Variants in SLC14A2 observed in about 807,000 individuals in gnomAD.
SLC14A2 encodes the protein urea transporter 2.
SLC14A2 carries 91 observed loss-of-function variants against 104.6 expected under a neutral mutation model. That is an observed-to-expected ratio of 0.87 (90% CI 0.73 to 1.04). SLC14A2 has a LOEUF of 1.04. Ranked by LOEUF, SLC14A2 falls within the 50% of genes least tolerant of loss-of-function variation. SLC14A2 has a pLI of 0.00. For missense variants in SLC14A2, 1,189 were observed against 1,156.0 expected (o/e 1.03, Z -0.41); for synonymous variants, 476 against 466.4 (o/e 1.02, Z -0.27).
intron 1 of SLC14A2, among the ~76,000 whole-genome samples, chr18:45,432,789 G>A (rs961762808): frequency 1.8e-4 from 27 of 152,112 alleles, no homozygotes; most frequent in Admixed American, 5.9e-4. Flanking sequence ...GGATTTGATG[G>A]CCACATAGAC....
intron 1 of SLC14A2, among the ~76,000 whole-genome samples, chr18:45,472,624 C>T (rs144332657): frequency 0.19 from 29,446 of 152,082 alleles, 3,370 homozygotes; most frequent in Non-Finnish European, 0.26. Flanking sequence ...CTCTAATGAC[C>T]GGTGATGATG....
At chr18:45,231,772 T>C (rs1599593857) in intron 1 of SLC14A2, among the ~76,000 whole-genome samples, 1 of 152,068 alleles carries the variant, frequency 6.6e-6, no homozygotes, top group East Asian at 1.9e-4. Flanking sequence ...TGCTATGGGG[T>C]GCGTATGAGG....
At chr18:45,246,429 C>T (rs570204505) in intron 1 of SLC14A2, among the ~76,000 whole-genome samples, 2 of 152,222 alleles carry the variant, frequency 1.3e-5, no homozygotes, top group South Asian at 4.1e-4. Context: ...AAAAAACTTA[C>T]AATATTAAAT....
At chr18:45,424,640 T>C (rs574456727) in intron 1 of SLC14A2, among the ~76,000 whole-genome samples, 22 of 152,348 alleles carry the variant, frequency 1.4e-4, no homozygotes, top group Admixed American at 2.0e-4. Flanking sequence ...ATCATCTCCA[T>C]TGACTTTCAA....
intron 1 of SLC14A2, among the ~76,000 whole-genome samples, chr18:45,428,667 A>G (rs765446395): frequency 2.5e-4 from 38 of 152,358 alleles, no homozygotes; most frequent in Non-Finnish European, 2.5e-4. Flanking sequence ...TCAAAGTGAC[A>G]TGTCATCTGG....
intron 2 of SLC14A2, among the ~76,000 whole-genome samples, chr18:45,487,386 C>T (rs919608544): frequency 6.6e-6 from 1 of 152,194 alleles, no homozygotes; most frequent in Admixed American, 6.5e-5. Flanking sequence ...ATCTTGAGTT[C>T]AATGACTTTT....
chr18:45,331,276 A>G (rs1282776664), intron 1 of SLC14A2, among the ~76,000 whole-genome samples: 1 of 152,222 alleles, frequency 6.6e-6, no homozygotes, highest in Non-Finnish European at 1.5e-5. Context: ...TACAAATACT[A>G]AATTATTTTA....
chr18:45,235,835 G>A lies in SLC14A2; in HGVS notation c.-125+22644G>A, dbSNP rs1340514525. Among the ~76,000 whole-genome samples, 26 of 97,332 alleles carry A rather than the reference G, an allele frequency of 2.7e-4. 1 individual carries two copies. Among genetic ancestry groups the A allele is most frequent in the African/African-American group, 1.0e-3 (22 of 21,924 alleles). 63.9% of individuals were successfully genotyped at this position (97,332 alleles called of 152,430 possible). On this transcript the variant is annotated intron_variant, in intron 1 of 20. Transcript: ENST00000586448. ...TGTGTATATATATATATATATACGT[G>A]TATATATATATGTATATATACATAT...
intron 2 of SLC14A2, among the ~76,000 whole-genome samples, chr18:45,600,170 C>A (rs2044768845): frequency 6.6e-6 from 1 of 152,180 alleles, no homozygotes; most frequent in African/African-American, 2.4e-5. Context: ...GTTAAAGATA[C>A]TAAAATATAA....
chr18:45,291,672 C>T (rs970867074), intron 1 of SLC14A2, among the ~76,000 whole-genome samples: 1 of 152,146 alleles, frequency 6.6e-6, no homozygotes, highest in Admixed American at 6.5e-5. Flanking sequence ...GAACACCACT[C>T]GTTGGCATGT....
At chr18:45,426,254 T>C (rs1176069380) in intron 1 of SLC14A2, among the ~76,000 whole-genome samples, 2 of 152,192 alleles carry the variant, frequency 1.3e-5, no homozygotes, top group Non-Finnish European at 2.9e-5. Flanking sequence ...TCAAACTTTC[T>C]GTTCCTTGCT....
chr18:45,415,931 T>C (rs1263440417), intron 1 of SLC14A2, among the ~76,000 whole-genome samples: 2 of 152,188 alleles, frequency 1.3e-5, no homozygotes, highest in Non-Finnish European at 2.9e-5. Context: ...TGTCCTGATG[T>C]GCTGTCAACA....
intron 2 of SLC14A2, among the ~76,000 whole-genome samples, chr18:45,488,896 T>A (rs2087665331): frequency 6.6e-6 from 1 of 152,240 alleles, no homozygotes; most frequent in Admixed American, 6.5e-5. Flanking sequence ...TGCATAAGGA[T>A]AGTTCTTCCT....
chr18:45,465,044 C>T (rs2087115152), intron 1 of SLC14A2, among the ~76,000 whole-genome samples: 1 of 152,030 alleles, frequency 6.6e-6, no homozygotes, highest in Non-Finnish European at 1.5e-5. Flanking sequence ...GAGACAGAAA[C>T]AGACAATGGA....
chr18:45,302,952 T>C (rs1006166161), intron 1 of SLC14A2, among the ~76,000 whole-genome samples: 22 of 152,132 alleles, frequency 1.4e-4, no homozygotes, highest in Non-Finnish European at 2.4e-4. Flanking sequence ...AAAGCCAGTC[T>C]TGCATGACAG....
the SLC14A2 span, among the ~76,000 whole-genome samples, chr18:45,200,818 A>C: frequency 6.6e-6 from 1 of 152,168 alleles, no homozygotes; most frequent in Admixed American, 6.6e-5. Flanking sequence ...TAGACCTCCA[A>C]AATACCCAAT....
rs141193029 is a variant in SLC14A2, at chr18:45,473,634, G to C, written c.-124-9599G>C. ...GATTCTTAGATATTTTATTCTCTTT[G>C]TAGCAGTTGCGAACAGGAGTTCACT... On this transcript the variant is annotated intron_variant, in intron 1 of 20. Coordinates refer to the SLC14A2 transcript ENST00000586448. 9.1e-3 allele frequency among the ~76,000 whole-genome samples: 1,389 copies of C among 152,214 alleles called. 4 individuals are homozygous for C. Among genetic ancestry groups the C allele is most frequent in the Non-Finnish European group, 0.012 (805 of 67,994 alleles).
intron 2 of SLC14A2, among the ~76,000 whole-genome samples, chr18:45,489,248 T>G (rs2087672999): frequency 3.3e-5 from 5 of 152,164 alleles, no homozygotes; most frequent in Admixed American, 3.3e-4. Context: ...TTCACAATGC[T>G]ACTTATAATC....
At chr18:45,306,128 C>T (rs2085018996) in intron 1 of SLC14A2, among the ~76,000 whole-genome samples, 1 of 152,064 alleles carries the variant, frequency 6.6e-6, no homozygotes, top group African/African-American at 2.4e-5. Flanking sequence ...AGTAGAAGCC[C>T]ATTATGAGAT....
Sources: gnomAD v4.1 joint callset for allele counts (sites outside exome capture counted in the v4.1 genomes callset) on GRCh38, gnomAD v4.1.1 for gene constraint, MANE v1.5 for transcripts, NCBI Gene and HGNC (gene_info 2026-07-23, HGNC 2026-07-21) for gene names.